Variants in DENND2B observed in about 807,000 individuals in gnomAD.
DENND2B encodes the protein DENN domain-containing protein 2B.
Under a neutral mutation model 116.0 loss-of-function variants are expected in DENND2B, and 32 were observed. The ratio of observed to expected loss-of-function variants is 0.28; its 90% CI spans 0.21 to 0.37. DENND2B has a LOEUF of 0.37. Ranked by LOEUF, DENND2B falls within the 10% of genes least tolerant of loss-of-function variation. The probability of loss-of-function intolerance (pLI) is 1.00; values close to 1 mark genes in which losing one functional copy is unlikely to be tolerated. For synonymous variants in DENND2B, 588 were observed against 583.9 expected, an observed-to-expected ratio of 1.01 and a Z score of -0.10; for missense variants, 1,276 against 1,477.7, an observed-to-expected ratio of 0.86 and a Z score of 2.24.
intron 2 of DENND2B, among the ~76,000 whole-genome samples, chr11:8,733,299 A>G (rs1359951706): frequency 1.3e-5 from 2 of 152,206 alleles, no homozygotes; most frequent in Non-Finnish European, 2.9e-5. Context: ...TAAATACAAA[A>G]GGTCATCAGT....
At chr11:8,755,882 C>T (rs937711035) in intron 1 of DENND2B, among the ~76,000 whole-genome samples, 1 of 152,196 alleles carries the variant, frequency 6.6e-6, no homozygotes, top group Non-Finnish European at 1.5e-5. Flanking sequence ...CATCTACGCA[C>T]ACTGGCTCTA....
At chr11:8,793,655 G>C (rs1322946058) in intron 1 of DENND2B, among the ~76,000 whole-genome samples, 1 of 152,158 alleles carries the variant, frequency 6.6e-6, no homozygotes, top group Non-Finnish European at 1.5e-5. Context: ...TCGCTGCTGT[G>C]AATAATGCTG....
chr11:8,788,230 A>G (rs2059085583), intron 1 of DENND2B, among the ~76,000 whole-genome samples: 1 of 152,156 alleles, frequency 6.6e-6, no homozygotes, highest in Non-Finnish European at 1.5e-5. Flanking sequence ...AACCCCAACC[A>G]GAAAAGCATT....
intron 4 of DENND2B, among the ~76,000 whole-genome samples, chr11:8,719,559 G>A (rs550784057): frequency 1.3e-5 from 2 of 152,338 alleles, no homozygotes; most frequent in East Asian, 3.9e-4. Context: ...AAGCGGAGCT[G>A]GCCCAGCAGC....
intron 1 of DENND2B, among the ~76,000 whole-genome samples, chr11:8,795,147 C>T (rs554507176): frequency 3.6e-4 from 55 of 152,312 alleles, no homozygotes; most frequent in Non-Finnish European, 7.3e-4. Context: ...TGTTTAAAGA[C>T]GAGCACATAC....
In DENND2B at chr11:8,715,629, T is replaced by C. The variant is rs1046790407; in HGVS notation, c.1819A>G (p.Ser607Gly). The C allele has an allele frequency of 3.1e-6, 5 of 1,613,152 alleles. No homozygotes were observed. The African/African-American group carries it at 5.3e-5, about 17-fold the overall frequency. Residue 607 changes from serine to glycine, a missense_variant, in exon 6 of 20, where the codon AGC (serine) becomes GGC (glycine). Around this residue, in one of 2 missense-constraint regions of DENND2B, gnomAD observed 856 missense variants for 846.6 expected, o/e 1.01. Transcript: ENST00000313726. ...TTGGGAATGCGGCGGGCCCGGCGGC[T>C]GGACAGCAGCTCGCTGGTGGTGCTG... ...SLSTTSELLS[S>G]RRARRIPKLV...
At chr11:8,761,875 T>C (rs1002284990) in intron 1 of DENND2B, among the ~76,000 whole-genome samples, 1 of 152,146 alleles carries the variant, frequency 6.6e-6, no homozygotes, top group Non-Finnish European at 1.5e-5. Context: ...ACTCCACCTC[T>C]ATAATGAGAA....
chr11:8,833,849 A>C (rs1176849779), intron 4 of DENND2B, among the ~76,000 whole-genome samples: 1 of 152,138 alleles, frequency 6.6e-6, no homozygotes, highest in East Asian at 1.9e-4. Context: ...TCAAAATTGC[A>C]TAATAAGGGT....
At chr11:8,858,096 T>C (rs998878467) in intron 2 of DENND2B, among the ~76,000 whole-genome samples, 1 of 152,204 alleles carries the variant, frequency 6.6e-6, no homozygotes, top group African/African-American at 2.4e-5. Flanking sequence ...GTAATAAACA[T>C]AAAACCAGTT....
intron 1 of DENND2B, among the ~76,000 whole-genome samples, chr11:8,768,512 G>A (rs1031990254): frequency 1.1e-4 from 17 of 152,088 alleles, no homozygotes; most frequent in Non-Finnish European, 2.4e-4. Flanking sequence ...CAAAACACTG[G>A]CATTACAGGT....
intron 3 of DENND2B, among the ~76,000 whole-genome samples, chr11:8,727,965 AC>A (rs1236233826): frequency 0.011 from 8 of 726 alleles, no homozygotes; most frequent in African/African-American, 0.048. Flanking sequence ...TTTTACACAA[AC>A]ACACACACAC....
chr11:8,699,752 T>C (rs1252604321), intron 14 of DENND2B: 1 of 430,178 alleles, frequency 2.3e-6, no homozygotes, highest in East Asian at 6.4e-5. Context: ...TGAATGCAGA[T>C]CGTGGGTACC....
At chr11:8,751,039 C>T (rs141954736) in intron 1 of DENND2B, among the ~76,000 whole-genome samples, 148 of 152,186 alleles carry the variant, frequency 9.7e-4, no homozygotes, top group African/African-American at 3.5e-3. Context: ...CACCAATCGG[C>T]ACTCTGTATC....
chr11:8,823,926 G>A (rs1212688465), intron 4 of DENND2B, among the ~76,000 whole-genome samples: 5 of 143,126 alleles, frequency 3.5e-5, no homozygotes, highest in African/African-American at 1.3e-4. Flanking sequence ...TTTTTGAGAT[G>A]GAGTCTTGCT....
At chr11:8,725,371 A>ATTG (rs1565735250) in intron 4 of DENND2B, among the ~76,000 whole-genome samples, 1 of 145,898 alleles carries the variant, frequency 6.9e-6, no homozygotes, top group Admixed American at 6.8e-5. Context: ...CTTATGAAAT[A>ATTG]TTACTTTTTT....
chr11:8,828,371 A>G (rs1307255224), intron 4 of DENND2B, among the ~76,000 whole-genome samples: 1 of 152,178 alleles, frequency 6.6e-6, no homozygotes, highest in Non-Finnish European at 1.5e-5. Flanking sequence ...CCCTGGGCAA[A>G]GCAAAGCCTC....
At chr11:8,897,381 C>A (rs981988996) in intron 1 of DENND2B, among the ~76,000 whole-genome samples, 3 of 152,134 alleles carry the variant, frequency 2.0e-5, no homozygotes, top group Admixed American at 6.6e-5. Flanking sequence ...TGAGTTTTTG[C>A]AATCCCTACA....
At chr11:8,871,785 A>G (rs1309087575), upstream of DENND2B, among the ~76,000 whole-genome samples, 1 of 152,228 alleles carries the variant, frequency 6.6e-6, no homozygotes, top group Non-Finnish European at 1.5e-5. Flanking sequence ...TTAATAATAA[A>G]GCAATGGAAT....
At position 8,695,343 on chromosome 11, in the gene DENND2B, TTC is replaced by T. The variant is rs1435284535; in HGVS notation, c.3379+118_3379+119del. On this transcript the variant is annotated intron_variant, in intron 19 of 19. Coordinates refer to ENST00000313726, the MANE Select transcript of DENND2B (RefSeq NM_213618.2). ...GTCACTATGGGATGTCTACATCCTG[TTC>T]TGTCTACAGCCCCAGTATAACACCT... is the stretch of plus-strand genomic sequence containing the variant. 3 of 931,016 alleles carry T rather than the reference TTC, an allele frequency of 3.2e-6. No individual in the cohort carries two copies. The African/African-American group carries it at 4.8e-5, about 15-fold the overall frequency. The allele number at this position is 931,016 out of a possible 1,614,324, so 57.7% of individuals were successfully genotyped here. A position where few individuals can be genotyped will look rare whatever the true frequency, so the allele number is the denominator to read the frequency against.
Sources: gnomAD v4.1 joint callset for allele counts (sites outside exome capture counted in the v4.1 genomes callset) on GRCh38, gnomAD v4.1.1 for gene constraint, gnomAD v4.1.1 regional missense constraint, MANE v1.5 for transcripts, NCBI Gene and HGNC (gene_info 2026-07-23, HGNC 2026-07-21) for gene names.